The following GRIP2 variants were observed in gnomAD, a reference collection of about 807,000 sequenced individuals.
GRIP2 encodes the protein glutamate receptor interacting protein 2, also known as glutamate receptor-interacting protein 2.
Under a neutral mutation model 108.3 loss-of-function variants are expected in GRIP2, and 58 were observed. That is an observed-to-expected ratio of 0.54 (90% CI 0.43 to 0.67). The LOEUF (loss-of-function observed/expected upper bound fraction) is 0.67. Among genes scored for constraint, GRIP2 ranks in the 30% least tolerant of loss-of-function variants. The probability of loss-of-function intolerance (pLI) is 0.00; values close to 1 mark genes in which losing one functional copy is unlikely to be tolerated. For synonymous variants in GRIP2, 586 were observed against 598.2 expected (o/e 0.98, Z 0.30); for missense variants, 1,278 against 1,430.6 (o/e 0.89, Z 1.72).
upstream of GRIP2, among the ~76,000 whole-genome samples, chr3:14,556,285 G>A (rs1229343305): frequency 6.6e-6 from 1 of 152,058 alleles, no homozygotes; most frequent in Non-Finnish European, 1.5e-5. Flanking sequence ...ACCTTTTGCT[G>A]AAATCTACCA....
chr3:14,498,998 C>T (rs1022822091), intron 21 of GRIP2, among the ~76,000 whole-genome samples: 7 of 152,090 alleles, frequency 4.6e-5, no homozygotes, highest in East Asian at 1.9e-4. Flanking sequence ...TTCCAGAAAG[C>T]GAGTGCCATC....
the GRIP2 span, among the ~76,000 whole-genome samples, chr3:14,592,645 G>A: frequency 6.6e-6 from 1 of 152,190 alleles, no homozygotes; most frequent in African/African-American, 2.4e-5. Context: ...AGTGTTTGAT[G>A]TCACACATGA....
intron 21 of GRIP2, among the ~76,000 whole-genome samples, chr3:14,501,277 G>C (rs1329757472): frequency 6.6e-6 from 1 of 152,222 alleles, no homozygotes; most frequent in Non-Finnish European, 1.5e-5. Context: ...AGATAGTGCT[G>C]ATGATTGCAC....
At position 14,514,413 on chromosome 3, in the gene GRIP2, C is replaced by T. The variant is rs775435144; in HGVS notation, c.1372G>A (p.Val458Met). The change falls in exon 12 of 24, where the codon GTG becomes ATG. Residue 458 changes from valine (V) to methionine (M), a missense_variant. Transcript: ENST00000621039. ...CCGCTGAGGGGGTCTCCACAGAGCACGACCTCCGTGGTCTCCGTGTGCACA... is the reference window on the plus strand; with the variant it reads ...CCGCTGAGGGGGTCTCCACAGAGCATGACCTCCGTGGTCTCCGTGTGCACA... ...QIVHTETTEV[V>M]LCGDPLSGFG... 28 of 1,574,946 alleles carry T rather than the reference C, an allele frequency of 1.8e-5. No individual in the cohort carries two copies. The highest frequency in any genetic ancestry group is 1.7e-4 in the Admixed American group (9 of 54,316).
chr3:14,495,108 T>A, intron 22 of GRIP2, 119 bp from the exon 23 acceptor site: 1 of 1,320,562 alleles, frequency 7.6e-7, no homozygotes, highest in Non-Finnish European at 1.1e-6. Context: ...CCCCCCAGGC[T>A]GCAGCACCCC....
chr3:14,598,950 C>A, the GRIP2 span, among the ~76,000 whole-genome samples: 1 of 152,154 alleles, frequency 6.6e-6, no homozygotes, highest in Admixed American at 6.5e-5. Flanking sequence ...GGATGCCTCC[C>A]TGATCATCCT....
At position 14,521,364 on chromosome 3, in the gene GRIP2, G is replaced by C; in HGVS notation, c.712+278C>G. ...TTTTCCATAGCACTTATTGCCAACT[G>C]ACATACACCATATCTTATCTATTCT... On this transcript the variant is annotated intron_variant, in intron 7 of 23. Transcript: ENST00000621039. This position sits in a 1 kb window ranked among gnomAD's most constrained non-coding sequence, Gnocchi z 5.1. 2.6e-6 allele frequency: 1 copy of C among 383,744 alleles called. No individual in the cohort carries two copies. Among genetic ancestry groups the C allele is most frequent in the South Asian group, 7.6e-5 (1 of 13,160 alleles). 23.8% of individuals were successfully genotyped at this position (383,744 alleles called of 1,614,324 possible). A position where few individuals can be genotyped will look rare whatever the true frequency, so the allele number is the denominator to read the frequency against.
the GRIP2 span, among the ~76,000 whole-genome samples, chr3:14,587,648 A>C: frequency 8.8e-3 from 1,335 of 152,004 alleles, 24 homozygotes; most frequent in East Asian, 0.082. Flanking sequence ...CCAAAAAAAA[A>C]AAAAAAACAA....
rs761199200 is a variant in GRIP2, at chr3:14,517,173, G to A, written c.1197C>T (p.His399=). The A allele has an allele frequency of 1.0e-5, 16 of 1,605,434 alleles. No individual in the cohort carries two copies. Among genetic ancestry groups the A allele is most frequent in the East Asian group, 4.5e-5 (2 of 44,076 alleles). Residue 399 remains histidine, a synonymous_variant, in exon 11 of 24, where the codon CAC becomes CAT. Transcript: ENST00000621039. The stretch of plus-strand genomic sequence containing the variant: ...TGCTGGGGTTGTTGCAGGAAAAGGC[G>A]TGGTTCAAGGTCGGCGAGGAAAAGG... The part of the protein sequence containing the change: ...STPFSSPTLN[H]AFSCNNPSTL...
rs566049642 is a variant in GRIP2 at position 14,514,942 on chromosome 3, G to T, written c.1307-464C>A. 3.3e-4 allele frequency among the ~76,000 whole-genome samples: 50 copies of T among 152,270 alleles called. No individual in the cohort carries two copies. The South Asian group carries it at 3.5e-3, about 11-fold the overall frequency. ...ATGCAAACATCACCACGATGCATTT[G>T]AGAACATTTCATCACCTCCAGAAGA... is the stretch of plus-strand genomic sequence containing the variant. On this transcript the variant is annotated intron_variant, in intron 11 of 23. Coordinates refer to ENST00000621039, the MANE Select transcript of GRIP2 (RefSeq NM_001080423.4).
rs1255260771 is a variant in GRIP2 at position 14,507,387 on chromosome 3, G to A, written c.2218+174C>T. Among the ~76,000 whole-genome samples the A allele has an allele frequency of 6.6e-6, 1 of 152,254 alleles. No individual in the cohort carries two copies. The highest frequency in any genetic ancestry group is 1.9e-4 in the East Asian group (1 of 5,198). On this transcript the variant is annotated intron_variant, in intron 18 of 23. Coordinates refer to ENST00000621039, the MANE Select transcript of GRIP2 (RefSeq NM_001080423.4). This position sits in a 1 kb window ranked among gnomAD's most constrained non-coding sequence, Gnocchi z 4.6. ...CCAGATTCTGCCCCGTGCCCACTGTGTGGCCCTGGGCTCATCACTTCCCTC... is the reference window on the plus strand; with the variant it reads ...CCAGATTCTGCCCCGTGCCCACTGTATGGCCCTGGGCTCATCACTTCCCTC...
At chr3:14,503,834 C>T (rs557294907) in intron 20 of GRIP2, 163 bp from the exon 21 acceptor site, 13 of 600,894 alleles carry the variant, frequency 2.2e-5, no homozygotes, top group South Asian at 4.0e-5. Context: ...TCTGGGGCCC[C>T]GGGGCAGTGG....
At position 14,503,652 on chromosome 3, in the gene GRIP2, G is replaced by C. The variant is rs896488438; in HGVS notation, c.2593C>G (p.Arg865Gly). 4 of 1,609,522 alleles carry C rather than the reference G, an allele frequency of 2.5e-6. No homozygotes were observed. Among genetic ancestry groups the C allele is most frequent in the South Asian group, 1.1e-5 (1 of 90,002 alleles). Residue 865 changes from arginine (R) to glycine (G), a missense_variant, in exon 21 of 24, where the codon CGA becomes GGA. Transcript: ENST00000621039. ...PPTSPAPGPA[R>G]EEGFWRMFGE... ...AACATGCGCCAGAAGCCCTCCTCTC[G>C]GGCAGGGCCAGGGGCTGGGCTGTAA... is the stretch of plus-strand genomic sequence containing the variant.
At chr3:14,587,655 A>G in the GRIP2 span, among the ~76,000 whole-genome samples, 4 of 149,030 alleles carry the variant, frequency 2.7e-5, no homozygotes, top group Non-Finnish European at 6.0e-5. Flanking sequence ...AAAAAAAAAA[A>G]CAAAACAAAA....
chr3:14,489,428 G>T lies in GRIP2; in HGVS notation c.*4237C>A, dbSNP rs890145281. 1 of 152,494 alleles carries T rather than the reference G, an allele frequency of 6.6e-6. No individual in the cohort carries two copies. The highest frequency in any genetic ancestry group is 1.5e-5 in the Non-Finnish European group (1 of 68,018). The allele number at this position is 152,494 out of a possible 1,614,324, so 9.4% of individuals were successfully genotyped here. The stretch of plus-strand genomic sequence containing the variant: ...CTTTACATTTTATAAAGGGCTTCCC[G>T]TCCAATCCCAGGACGCTCCTCAAAG... On this transcript the variant is annotated 3_prime_UTR_variant, in exon 24 of 24. Coordinates refer to ENST00000621039, the MANE Select transcript of GRIP2 (RefSeq NM_001080423.4).
intron 21 of GRIP2, among the ~76,000 whole-genome samples, chr3:14,498,280 T>C (rs1228172104): frequency 1.3e-5 from 2 of 152,042 alleles, no homozygotes; most frequent in East Asian, 1.9e-4. Flanking sequence ...TGGGCAAACA[T>C]AGCCAGACAA....
chr3:14,520,292 G>A lies in GRIP2; in HGVS notation c.861-13C>T, dbSNP rs753933158. On this transcript the variant is annotated splice_polypyrimidine_tract_variant and intron_variant, in intron 8 of 23. Transcript: ENST00000621039. The stretch of plus-strand genomic sequence containing the variant: ...CAGGGCTCCGCTCCTGGCCAGGCAG[G>A]GGAGTGAAGGCGGAGGCTGGTCCAG... 12 of 1,612,402 alleles carry A rather than the reference G, an allele frequency of 7.4e-6. No individual in the cohort carries two copies. The highest frequency in any genetic ancestry group is 1.0e-5 in the Non-Finnish European group (12 of 1,178,920).
intron 1 of GRIP2, among the ~76,000 whole-genome samples, chr3:14,533,257 G>A (rs987185764): frequency 2.1e-4 from 32 of 152,218 alleles, no homozygotes; most frequent in African/African-American, 7.0e-4. Flanking sequence ...GACAGTGAAC[G>A]TCTCTGGTAT....
Position 14,505,774 on chromosome 3 carries a change from T to C in GRIP2, c.2414A>G (p.Gln805Arg). Residue 805 changes from glutamine to arginine, a missense_variant, in exon 20 of 24, where the codon CAG becomes CGG. Transcript: ENST00000621039. This position sits in a 1 kb window ranked among gnomAD's most constrained non-coding sequence, Gnocchi z 4.2. ...GFGGPGSYTPQAAARGTTPQE... is the reference protein window; with the variant it reads ...GFGGPGSYTPRAAARGTTPQE... ...GGGGGTCGTGCCCCGGGCTGCTGCC[T>C]GTGGTGTATAGGACCCTGGTGGTGG... 1 of 1,557,304 alleles carries C rather than the reference T, an allele frequency of 6.4e-7. No homozygotes were observed. The highest frequency in any genetic ancestry group is 1.2e-5 in the South Asian group (1 of 82,444).
Sources: allele counts gnomAD v4.1 joint callset (sites outside exome capture counted in the v4.1 genomes callset), GRCh38; gene constraint gnomAD v4.1.1; non-coding constraint Gnocchi (gnomAD v3.1); transcripts MANE v1.5; gene names NCBI Gene and HGNC (gene_info 2026-07-23, HGNC 2026-07-21).